Variants in SPIDR observed in about 807,000 individuals in gnomAD.
The protein encoded by SPIDR is DNA repair-scaffolding protein.
Under a neutral mutation model 104.6 loss-of-function variants are expected in SPIDR, and 93 were observed. The observed-to-expected ratio is 0.89, with a 90% confidence interval of 0.75 to 1.06. The LOEUF is 1.06. Among genes scored for constraint, SPIDR ranks in the 50% least tolerant of loss-of-function variants. The pLI is 0.00. For synonymous variants in SPIDR, 431 were observed against 416.9 expected, an observed-to-expected ratio of 1.03 and a Z score of -0.41; for missense variants, 1,154 against 1,111.2, an observed-to-expected ratio of 1.04 and a Z score of -0.55.
chr8:47,404,401 G>T (rs543038084), intron 6 of SPIDR, among the ~76,000 whole-genome samples: 1 of 152,330 alleles, frequency 6.6e-6, no homozygotes, highest in East Asian at 1.9e-4. Flanking sequence ...ACTACCATCA[G>T]AGTGAACAGG....
chr8:47,633,482 A>G (rs1401763002), intron 10 of SPIDR, among the ~76,000 whole-genome samples: 1 of 151,200 alleles, frequency 6.6e-6, no homozygotes, highest in Non-Finnish European at 1.5e-5. Flanking sequence ...CCTCCAGGCC[A>G]TGCCATCTGA....
intron 10 of SPIDR, among the ~76,000 whole-genome samples, chr8:47,615,472 C>CTTTTT (rs11345219): frequency 9.1e-6 from 1 of 110,058 alleles, no homozygotes. Context: ...CGAAAATAGC[C>CTTTTT]TTTTTTTTTT....
chr8:47,613,450 C>T (rs542881114), intron 10 of SPIDR, among the ~76,000 whole-genome samples: 65 of 152,078 alleles, frequency 4.3e-4, no homozygotes, highest in Non-Finnish European at 8.4e-4. Context: ...AATGTTGCTA[C>T]GAACATCTGC....
intron 19 of SPIDR, among the ~76,000 whole-genome samples, chr8:47,733,774 T>A (rs964738317): frequency 1.3e-5 from 2 of 152,024 alleles, no homozygotes; most frequent in Middle Eastern, 3.2e-3. Flanking sequence ...GCACTTGCCG[T>A]CCATGCCACC....
rs376697954 is a variant in SPIDR, at chr8:47,292,448, T to C, written c.361+1311T>C. ...GAAATTTATTGTTACTTGGTTTGTC[T>C]TCATACATTTCAGAATACAAAGTTT... is the stretch of plus-strand genomic sequence containing the variant. On this transcript the variant is annotated intron_variant, in intron 4 of 19. Coordinates refer to ENST00000297423, the MANE Select transcript of SPIDR (RefSeq NM_001080394.4). Among the ~76,000 whole-genome samples, 756 of 152,342 alleles carry C rather than the reference T, an allele frequency of 5.0e-3. 4 individuals carry two copies. The highest frequency in any genetic ancestry group is 0.022 in the South Asian group (107 of 4,830).
At chr8:47,455,410 C>T (rs1263726294) in intron 8 of SPIDR, among the ~76,000 whole-genome samples, 1 of 151,024 alleles carries the variant, frequency 6.6e-6, no homozygotes, top group Non-Finnish European at 1.5e-5. Flanking sequence ...GAAACACACA[C>T]ACAGACACAC....
At chr8:47,722,642 G>T (rs1382933706) in intron 16 of SPIDR, among the ~76,000 whole-genome samples, 2 of 152,130 alleles carry the variant, frequency 1.3e-5, no homozygotes, top group African/African-American at 4.8e-5. Context: ...ACATTCTGTT[G>T]TATAACTATA....
intron 16 of SPIDR, among the ~76,000 whole-genome samples, chr8:47,720,958 A>G (rs573837200): frequency 3.4e-4 from 51 of 152,006 alleles, no homozygotes; most frequent in Non-Finnish European, 5.7e-4. Flanking sequence ...GGGTTTTGCC[A>G]TGTTAGCCAG....
chr8:47,723,468 C>T (rs201009237), intron 16 of SPIDR, among the ~76,000 whole-genome samples: 43 of 141,126 alleles, frequency 3.0e-4, no homozygotes, highest in African/African-American at 1.1e-3. Flanking sequence ...CTCGCTCTGT[C>T]GCCCAGGCTG....
At chr8:47,507,744 C>G (rs1171313357) in intron 8 of SPIDR, among the ~76,000 whole-genome samples, 1 of 152,220 alleles carries the variant, frequency 6.6e-6, no homozygotes, top group African/African-American at 2.4e-5. Context: ...CATGTTTTCA[C>G]AGTTAACTAA....
At chr8:47,717,601 TTGCTC>T (rs1269574428) in intron 16 of SPIDR, among the ~76,000 whole-genome samples, 1 of 152,158 alleles carries the variant, frequency 6.6e-6, no homozygotes, top group Admixed American at 6.5e-5. Flanking sequence ...TGAGGGAACT[TTGCTC>T]TAGGTGGTCA....
chr8:47,580,042 G>A (rs539279468), intron 8 of SPIDR, among the ~76,000 whole-genome samples: 3 of 152,180 alleles, frequency 2.0e-5, no homozygotes, highest in Non-Finnish European at 4.4e-5. Flanking sequence ...GAATAGTCAT[G>A]TTTACCCTGT....
chr8:47,273,511 C>T (rs944627557), intron 1 of SPIDR, among the ~76,000 whole-genome samples: 4 of 151,770 alleles, frequency 2.6e-5, no homozygotes, highest in African/African-American at 9.7e-5. Context: ...CCTCTCTGGG[C>T]GAACCACCCT....
At chr8:47,490,836 G>C (rs1372356677) in intron 8 of SPIDR, among the ~76,000 whole-genome samples, 1 of 152,156 alleles carries the variant, frequency 6.6e-6, no homozygotes, top group East Asian at 1.9e-4. Context: ...TCACATACCA[G>C]GGCCTGTGCT....
At chr8:47,421,078 A>G (rs565479848) in intron 7 of SPIDR, among the ~76,000 whole-genome samples, 1 of 152,156 alleles carries the variant, frequency 6.6e-6, no homozygotes, top group Non-Finnish European at 1.5e-5. Context: ...GAATCTGACA[A>G]TTATGTGTCT....
chr8:47,565,992 A>ATATATATATATATATATATATATT, intron 8 of SPIDR, among the ~76,000 whole-genome samples: 3 of 14,948 alleles, frequency 2.0e-4, no homozygotes, highest in Non-Finnish European at 4.4e-4. Context: ...ATATATATAT[A>ATATATATATATATATATATATATT]TTTTTTTTTT....
intron 19 of SPIDR, among the ~76,000 whole-genome samples, chr8:47,735,096 GT>G (rs1339108253): frequency 1.4e-5 from 2 of 143,044 alleles, no homozygotes; most frequent in African/African-American, 5.4e-5. Flanking sequence ...GGGTGTGTGG[GT>G]GTGTGTGTGT....
intron 8 of SPIDR, among the ~76,000 whole-genome samples, chr8:47,572,337 A>G (rs1057371132): frequency 6.6e-6 from 1 of 152,158 alleles, no homozygotes; most frequent in African/African-American, 2.4e-5. Flanking sequence ...ATAAGATATT[A>G]TCAGTAATAA....
At chr8:47,384,768 C>T (rs1016418157) in intron 5 of SPIDR, among the ~76,000 whole-genome samples, 8 of 152,310 alleles carry the variant, frequency 5.3e-5, no homozygotes, top group South Asian at 2.1e-4. Flanking sequence ...AGATCCTCTG[C>T]TAAAAAATTC....
Sources: gnomAD v4.1 joint callset for allele counts (sites outside exome capture counted in the v4.1 genomes callset) on GRCh38, gnomAD v4.1.1 for gene constraint, MANE v1.5 for transcripts, NCBI Gene and HGNC (gene_info 2026-07-23, HGNC 2026-07-21) for gene names.